The following TLL1 variants were observed in gnomAD, a reference collection of about 807,000 sequenced individuals.
TLL1 encodes the protein tolloid-like protein 1.
A neutral mutation model predicts 128.2 loss-of-function variants in TLL1; 49 were observed. The observed-to-expected ratio is 0.38, with a 90% CI of 0.30 to 0.48. The LOEUF is 0.48. Among genes scored for constraint, TLL1 ranks in the 20% least tolerant of loss-of-function variants. The probability of loss-of-function intolerance (pLI) is 0.96; values close to 1 mark genes in which losing one functional copy is unlikely to be tolerated. For missense variants in TLL1, 1,123 were observed against 1,242.0 expected (o/e 0.90, Z 1.44); for synonymous variants, 454 against 418.8 (o/e 1.08, Z -1.03).
At chr4:165,963,224 A>G (rs1735205472) in intron 1 of TLL1, among the ~76,000 whole-genome samples, 1 of 152,102 alleles carries the variant, frequency 6.6e-6, no homozygotes, top group South Asian at 2.1e-4. Flanking sequence ...GTACTATGCC[A>G]AATGCCCGGG....
intron 12 of TLL1, among the ~76,000 whole-genome samples, chr4:166,051,298 CT>C (rs1322707575): frequency 2.4e-5 from 3 of 123,026 alleles, no homozygotes; most frequent in Admixed American, 7.7e-5. Context: ...TCCCTCCCTC[CT>C]TTCCTTCCTT....
chr4:165,903,732 A>AACACACACACAC (rs1561018121), intron 1 of TLL1, among the ~76,000 whole-genome samples: 1 of 104,648 alleles, frequency 9.6e-6, no homozygotes, highest in African/African-American at 3.3e-5. Context: ...TTAAGTTCTT[A>AACACACACACAC]TCACACACAC....
At chr4:165,915,219 C>T (rs1489266671) in intron 1 of TLL1, among the ~76,000 whole-genome samples, 2 of 151,936 alleles carry the variant, frequency 1.3e-5, no homozygotes, top group South Asian at 2.1e-4. Context: ...TTTTGAAGTT[C>T]TAGAAAATTC....
chr4:165,949,124 G>A (rs1455592271), intron 1 of TLL1, among the ~76,000 whole-genome samples: 4 of 152,040 alleles, frequency 2.6e-5, no homozygotes, highest in South Asian at 4.1e-4. Context: ...CATCAAAAGG[G>A]GAAGTAAGAG....
rs1736781869 is a variant in TLL1 at position 165,994,553 on chromosome 4, T to A, written c.514+20T>A. 6.2e-7 allele frequency: 1 copy of A among 1,613,224 alleles called. No individual in the cohort carries two copies. Among genetic ancestry groups the A allele is most frequent in the Non-Finnish European group, 8.5e-7 (1 of 1,179,384 alleles). The stretch of plus-strand genomic sequence containing the variant: ...TCACTGGTAAGATACTCCCAGCATG[T>A]CTGTTTTCATAAAGAAATAAAAACT... On this transcript the variant is annotated intron_variant, in intron 4 of 20. Coordinates refer to ENST00000061240, the MANE Select transcript of TLL1 (RefSeq NM_012464.5).
chr4:165,898,973 A>T (rs2110847711), intron 1 of TLL1, among the ~76,000 whole-genome samples: 1 of 152,330 alleles, frequency 6.6e-6, no homozygotes, highest in Non-Finnish European at 1.5e-5. Context: ...GTATGTGTCC[A>T]GGAATGTATT....
chr4:165,975,401 T>C (rs551818786), intron 1 of TLL1, among the ~76,000 whole-genome samples: 4 of 152,030 alleles, frequency 2.6e-5, no homozygotes, highest in African/African-American at 7.2e-5. Flanking sequence ...AGATACTGTA[T>C]AGGAAAAGAA....
intron 1 of TLL1, among the ~76,000 whole-genome samples, chr4:165,911,673 T>C (rs1333666726): frequency 1.3e-5 from 2 of 152,184 alleles, no homozygotes; most frequent in African/African-American, 4.8e-5. Context: ...GTTAACTTTT[T>C]TAGTTAACTA....
intron 1 of TLL1, among the ~76,000 whole-genome samples, chr4:165,902,617 C>T (rs556547438): frequency 6.6e-6 from 1 of 152,090 alleles, no homozygotes; most frequent in Non-Finnish European, 1.5e-5. Flanking sequence ...GCATCCAGTC[C>T]CAGTGAGATG....
chr4:165,980,482 A>G (rs2110995340), intron 1 of TLL1, among the ~76,000 whole-genome samples: 1 of 152,274 alleles, frequency 6.6e-6, no homozygotes, highest in South Asian at 2.1e-4. Flanking sequence ...GCATAGCCTA[A>G]GAAAATAAAG....
chr4:165,933,417 G>A (rs1051508541), intron 1 of TLL1, among the ~76,000 whole-genome samples: 1 of 152,070 alleles, frequency 6.6e-6, no homozygotes, highest in African/African-American at 2.4e-5. Context: ...GGGATGATGG[G>A]TGTGTGTCTC....
At chr4:166,026,032 CAT>C (rs901879516) in intron 9 of TLL1, among the ~76,000 whole-genome samples, 3 of 151,956 alleles carry the variant, frequency 2.0e-5, no homozygotes, top group Non-Finnish European at 2.9e-5. Context: ...ATGAAAATAA[CAT>C]ATGATTGGAA....
At chr4:165,977,340 C>G (rs1021354946) in intron 1 of TLL1, among the ~76,000 whole-genome samples, 2 of 152,024 alleles carry the variant, frequency 1.3e-5, no homozygotes, top group Non-Finnish European at 2.9e-5. Flanking sequence ...TTTGACTGTT[C>G]CTCCTGCACA....
At chr4:166,002,377 A>C (rs1211267429) in intron 5 of TLL1, among the ~76,000 whole-genome samples, 1 of 152,088 alleles carries the variant, frequency 6.6e-6, no homozygotes, top group Non-Finnish European at 1.5e-5. Context: ...AGTTCCTAGC[A>C]CCAGTTAACT....
chr4:166,031,926 ATCT>A (rs1159808954), intron 9 of TLL1, among the ~76,000 whole-genome samples: 1 of 152,130 alleles, frequency 6.6e-6, no homozygotes, highest in Non-Finnish European at 1.5e-5. Context: ...AGCTTCTCTA[ATCT>A]TCTCAGCACC....
At chr4:165,990,818 G>A (rs560467161) in intron 2 of TLL1, among the ~76,000 whole-genome samples, 2 of 152,098 alleles carry the variant, frequency 1.3e-5, no homozygotes, top group African/African-American at 4.8e-5. Flanking sequence ...ATAACACCAT[G>A]TAAAAATAGG....
chr4:166,025,153 G>A (rs1055460847), intron 8 of TLL1, among the ~76,000 whole-genome samples, 163 bp from the exon 9 acceptor site: 3 of 152,144 alleles, frequency 2.0e-5, no homozygotes, highest in Non-Finnish European at 2.9e-5. Flanking sequence ...TGGAATTCCA[G>A]TAAGGGACAT....
At chr4:165,899,581 G>A (rs902633826) in intron 1 of TLL1, among the ~76,000 whole-genome samples, 10 of 152,178 alleles carry the variant, frequency 6.6e-5, no homozygotes, top group African/African-American at 1.9e-4. Flanking sequence ...ACTGTGGTCT[G>A]AGAGACCATT....
intron 9 of TLL1, among the ~76,000 whole-genome samples, chr4:166,036,093 G>A (rs1330524123): frequency 3.3e-5 from 5 of 152,076 alleles, no homozygotes; most frequent in African/African-American, 9.7e-5. Flanking sequence ...CAAGTATTAC[G>A]CTAATTGGCT....
Sources: gnomAD v4.1 joint callset for allele counts (sites outside exome capture counted in the v4.1 genomes callset) on GRCh38, gnomAD v4.1.1 for gene constraint, MANE v1.5 for transcripts, NCBI Gene and HGNC (gene_info 2026-07-23, HGNC 2026-07-21) for gene names.